Variants in MACROD2 observed in about 807,000 individuals in gnomAD.
MACROD2 encodes the protein ADP-ribose glycohydrolase MACROD2.
MACROD2 carries 36 observed loss-of-function variants against 70.4 expected under a neutral mutation model. The ratio of observed to expected loss-of-function variants is 0.51; its 90% CI spans 0.39 to 0.68. MACROD2 has a LOEUF of 0.68. Among genes scored for constraint, MACROD2 ranks in the 30% least tolerant of loss-of-function variants. The pLI, the probability that MACROD2 is intolerant of heterozygous loss-of-function variation, is 0.00. For synonymous variants in MACROD2, 172 were observed against 178.8 expected (o/e 0.96, Z 0.30); for missense variants, 496 against 538.4 (o/e 0.92, Z 0.78).
intron 5 of MACROD2, among the ~76,000 whole-genome samples, chr20:14,858,253 G>T (rs1003486030): frequency 5.3e-5 from 8 of 152,074 alleles, no homozygotes; most frequent in Admixed American, 3.3e-4. Context: ...ACGCCCCAAG[G>T]GTGCAACTGG....
intron 4 of MACROD2, among the ~76,000 whole-genome samples, chr20:14,540,184 G>A (rs1483585600): frequency 6.6e-6 from 1 of 152,102 alleles, no homozygotes; most frequent in East Asian, 1.9e-4. Context: ...AAAATGATGG[G>A]ATAACATCTT....
At chr20:14,543,594 T>C (rs942158472) in intron 4 of MACROD2, among the ~76,000 whole-genome samples, 1 of 152,246 alleles carries the variant, frequency 6.6e-6, no homozygotes, top group Admixed American at 6.5e-5. Context: ...TAGAAACTTC[T>C]ATTTTACAGT....
intron 5 of MACROD2, among the ~76,000 whole-genome samples, chr20:14,810,198 C>A (rs1030076105): frequency 1.3e-5 from 2 of 152,146 alleles, no homozygotes; most frequent in African/African-American, 4.8e-5. Flanking sequence ...CAATAAAATA[C>A]TGGCAAACCA....
At chr20:15,851,918 G>A (rs904100426) in intron 8 of MACROD2, among the ~76,000 whole-genome samples, 1 of 152,176 alleles carries the variant, frequency 6.6e-6, no homozygotes, top group Non-Finnish European at 1.5e-5. Flanking sequence ...CAGCCACCAC[G>A]AGCACACGGC....
At chr20:14,796,106 G>A (rs905535899) in intron 5 of MACROD2, among the ~76,000 whole-genome samples, 5 of 152,002 alleles carry the variant, frequency 3.3e-5, no homozygotes, top group Non-Finnish European at 7.4e-5. Flanking sequence ...TAATAATCAC[G>A]ACAACTTTTG....
At chr20:15,186,827 C>T (rs1395286673) in intron 5 of MACROD2, among the ~76,000 whole-genome samples, 1 of 150,510 alleles carries the variant, frequency 6.6e-6, no homozygotes, top group African/African-American at 2.4e-5. Context: ...TTGCGGATAT[C>T]TTAGAAGTCT....
Position 14,087,785 on chromosome 20 carries a change from A to T in MACROD2, c.271+2057A>T, listed in dbSNP as rs992855463. Reference sequence around the variant, plus strand: ...GTTTTAATAAGATATCACTATAGCTAGTAATTTAATGTATATGCCCTAAAT... The same window carrying T: ...GTTTTAATAAGATATCACTATAGCTTGTAATTTAATGTATATGCCCTAAAT... On this transcript the variant is annotated intron_variant, in intron 3 of 17. Coordinates refer to ENST00000684519, the MANE Select transcript of MACROD2 (RefSeq NM_001351661.2). 2.6e-5 allele frequency among the ~76,000 whole-genome samples: 4 copies of T among 152,296 alleles called. No homozygotes were observed. In the East Asian group the frequency reaches 7.7e-4, roughly 29 times the overall value.
At chr20:15,290,367 A>T (rs1036809274) in intron 6 of MACROD2, among the ~76,000 whole-genome samples, 1 of 152,096 alleles carries the variant, frequency 6.6e-6, no homozygotes, top group Admixed American at 6.5e-5. Context: ...TTTTCCCATT[A>T]TGCAGAGTGT....
chr20:14,181,438 A>G (rs1234208520), intron 3 of MACROD2, among the ~76,000 whole-genome samples: 2 of 152,028 alleles, frequency 1.3e-5, no homozygotes, highest in Admixed American at 1.3e-4. Context: ...TCATTTTGCT[A>G]AGCACTGATT....
intron 8 of MACROD2, among the ~76,000 whole-genome samples, chr20:15,517,768 C>T (rs928720790): frequency 2.6e-5 from 4 of 152,196 alleles, no homozygotes; most frequent in African/African-American, 9.7e-5. Flanking sequence ...TTGGCCCTCT[C>T]ACTCTTTCCT....
intron 5 of MACROD2, among the ~76,000 whole-genome samples, chr20:14,825,679 G>A (rs2072893535): frequency 6.6e-6 from 1 of 152,134 alleles, no homozygotes; most frequent in Non-Finnish European, 1.5e-5. Flanking sequence ...AGCTAGACCT[G>A]TCAGGCCAAA....
chr20:15,103,384 T>TA (rs144922442), intron 5 of MACROD2, among the ~76,000 whole-genome samples: 5,450 of 152,196 alleles, frequency 0.036, 108 homozygotes, highest in Middle Eastern at 0.12. Context: ...GAGCTTTTCC[T>TA]AGACATCCCC....
In MACROD2 at chr20:14,924,188, T is replaced by C. The variant is rs114855640; in HGVS notation, c.418+239229T>C. On this transcript the variant is annotated intron_variant, in intron 5 of 17. Transcript: ENST00000684519. Reference sequence around the variant, plus strand: ...ATATGGAAATAGAGTTGGCTGGGTGTGGTGGCTTGTGCCTGTAATTCCAGC... The same window carrying C: ...ATATGGAAATAGAGTTGGCTGGGTGCGGTGGCTTGTGCCTGTAATTCCAGC... 8.2e-3 allele frequency among the ~76,000 whole-genome samples: 1,253 copies of C among 152,220 alleles called. 23 individuals carry two copies. Among genetic ancestry groups the C allele is most frequent in the African/African-American group, 0.029 (1,186 of 41,542 alleles).
chr20:15,493,311 G>A (rs962378376), intron 7 of MACROD2, among the ~76,000 whole-genome samples: 4 of 151,996 alleles, frequency 2.6e-5, no homozygotes, highest in Non-Finnish European at 4.4e-5. Context: ...TTTAAAGCCT[G>A]GCTTAAATAT....
At chr20:15,799,628 AT>A (rs1268994256) in intron 8 of MACROD2, among the ~76,000 whole-genome samples, 4 of 152,144 alleles carry the variant, frequency 2.6e-5, no homozygotes, top group African/African-American at 9.7e-5. Context: ...GAATTTCATT[AT>A]TTTTATGACA....
intron 5 of MACROD2, among the ~76,000 whole-genome samples, chr20:15,182,117 G>C (rs1316188878): frequency 1.3e-5 from 2 of 152,098 alleles, no homozygotes; most frequent in African/African-American, 4.8e-5. Context: ...ACCCTAAAAG[G>C]CAATAGTCTA....
chr20:15,491,480 G>A (rs1014920940), intron 7 of MACROD2, among the ~76,000 whole-genome samples: 2 of 152,194 alleles, frequency 1.3e-5, no homozygotes, highest in African/African-American at 4.8e-5. Context: ...TTGTTAATTT[G>A]GGAGGTGACT....
intron 3 of MACROD2, among the ~76,000 whole-genome samples, chr20:14,443,499 G>A (rs977491088): frequency 2.0e-5 from 3 of 151,900 alleles, no homozygotes; most frequent in Non-Finnish European, 2.9e-5. Flanking sequence ...TTTTCACTAT[G>A]TTGGTCAGGC....
At chr20:14,849,955 A>G (rs2073182172) in intron 5 of MACROD2, 1 of 514,142 alleles carries the variant, frequency 1.9e-6, no homozygotes, top group Admixed American at 2.0e-5. Context: ...CTACACCTGA[A>G]GAGATCTATT....
Sources: gnomAD v4.1 joint callset for allele counts (sites outside exome capture counted in the v4.1 genomes callset) on GRCh38, gnomAD v4.1.1 for gene constraint, MANE v1.5 for transcripts, NCBI Gene and HGNC (gene_info 2026-07-23, HGNC 2026-07-21) for gene names.